The following CAMTA1 variants were observed in gnomAD, a reference collection of about 807,000 sequenced individuals.
CAMTA1 encodes the protein calmodulin binding transcription activator 1.
CAMTA1 carries 27 observed loss-of-function variants against 170.9 expected under a neutral mutation model. The observed-to-expected ratio is 0.16, with a 90% confidence interval of 0.12 to 0.22. The LOEUF (loss-of-function observed/expected upper bound fraction) is 0.22. Among genes scored for constraint, CAMTA1 ranks in the 10% least tolerant of loss-of-function variants. The pLI, the probability that CAMTA1 is intolerant of heterozygous loss-of-function variation, is 1.00. For synonymous variants in CAMTA1, 833 were observed against 891.5 expected, an observed-to-expected ratio of 0.93 and a Z score of 1.17; for missense variants, 1,619 against 2,217.2, an observed-to-expected ratio of 0.73 and a Z score of 5.42.
At chr1:7,465,217 A>T (rs191344369) in intron 5 of CAMTA1, among the ~76,000 whole-genome samples, 93 of 152,122 alleles carry the variant, frequency 6.1e-4, no homozygotes, top group African/African-American at 2.1e-3. Context: ...CAAAAAGCCT[A>T]AGGCCCTGTG....
At chr1:6,820,114 A>T in intron 1 of CAMTA1, 67 bp from the exon 2 acceptor site, 1 of 952,934 alleles carries the variant, frequency 1.0e-6, no homozygotes, top group Non-Finnish European at 1.7e-6. Flanking sequence ...TGGCAGGAAT[A>T]TCACAGAAGA....
intron 6 of CAMTA1, among the ~76,000 whole-genome samples, chr1:7,594,714 A>T (rs1029657470): frequency 6.6e-6 from 1 of 152,186 alleles, no homozygotes; most frequent in Non-Finnish European, 1.5e-5. Flanking sequence ...AAATATGCTG[A>T]TGGTTTGGAT....
At position 7,248,454 on chromosome 1, in the gene CAMTA1, C is replaced by T. The variant is rs1327411858; in HGVS notation, c.303-1037C>T. ...GTGGTGCGCAGAATCGCTGGCATTCCTCTTCCCCTGCTGCACGTTCAGGTG... is the reference window on the plus strand; with the variant it reads ...GTGGTGCGCAGAATCGCTGGCATTCTTCTTCCCCTGCTGCACGTTCAGGTG... On this transcript the variant is annotated intron_variant, in intron 4 of 22. Coordinates refer to ENST00000303635, the MANE Select transcript of CAMTA1 (RefSeq NM_015215.4). The surrounding 1 kb of genome is among the most constrained non-coding windows in gnomAD (Gnocchi z 4.0). Among the ~76,000 whole-genome samples the T allele has an allele frequency of 1.3e-5, 2 of 152,214 alleles. No homozygotes were observed. Among genetic ancestry groups the T allele is most frequent in the African/African-American group, 4.8e-5 (2 of 41,448 alleles).
At chr1:6,899,547 C>T (rs972133741) in intron 3 of CAMTA1, among the ~76,000 whole-genome samples, 29 of 93,314 alleles carry the variant, frequency 3.1e-4, no homozygotes, top group Admixed American at 4.4e-4. Flanking sequence ...AACGCGCACG[C>T]GCGCGCGCAC....
At chr1:7,545,781 C>T (rs927691593) in intron 6 of CAMTA1, among the ~76,000 whole-genome samples, 4 of 152,028 alleles carry the variant, frequency 2.6e-5, no homozygotes, top group African/African-American at 9.7e-5. Context: ...CACAGATCAA[C>T]CCATCATTTA....
intron 3 of CAMTA1, among the ~76,000 whole-genome samples, chr1:7,018,210 G>A (rs1572470732): frequency 6.6e-6 from 1 of 151,832 alleles, no homozygotes; most frequent in Admixed American, 6.6e-5. Context: ...TGGAGCGGGG[G>A]CTTAGGACTC....
intron 11 of CAMTA1, among the ~76,000 whole-genome samples, chr1:7,730,712 A>G (rs1229632315): frequency 1.3e-5 from 2 of 152,016 alleles, no homozygotes; most frequent in Admixed American, 1.3e-4. Context: ...CCTGGCCAAC[A>G]TGGTGAAACC....
intron 6 of CAMTA1, among the ~76,000 whole-genome samples, chr1:7,614,421 C>A (rs1285764532): frequency 2.0e-4 from 31 of 151,224 alleles, no homozygotes; most frequent in Admixed American, 2.0e-3. Context: ...GATGAAGATT[C>A]ATTGATGCCA....
At chr1:7,554,657 TC>T (rs2094851822) in intron 6 of CAMTA1, among the ~76,000 whole-genome samples, 1 of 152,156 alleles carries the variant, frequency 6.6e-6, no homozygotes, top group Non-Finnish European at 1.5e-5. Flanking sequence ...ATTTTCAGCC[TC>T]ACACAAACAC....
chr1:7,498,098 GA>G (rs1472967920), intron 6 of CAMTA1, among the ~76,000 whole-genome samples: 2 of 152,164 alleles, frequency 1.3e-5, no homozygotes, highest in African/African-American at 4.8e-5. Flanking sequence ...ATCCTGAGGA[GA>G]GGGGGAGGGA....
At chr1:6,988,703 A>G (rs573138159) in intron 3 of CAMTA1, among the ~76,000 whole-genome samples, 2 of 152,248 alleles carry the variant, frequency 1.3e-5, no homozygotes, top group East Asian at 1.9e-4. Context: ...GTCCCGTCCA[A>G]CGGGTTGGGC....
Position 7,663,477 on chromosome 1 carries a change from G to A in CAMTA1, c.930G>A (p.Glu310=). 1 of 1,597,496 alleles carries A rather than the reference G, an allele frequency of 6.3e-7. No homozygotes were observed. The highest frequency in any genetic ancestry group is 8.6e-7 in the Non-Finnish European group (1 of 1,168,148). ...HSEVQHNDVS[E]GKHEHSHSKG... is the part of the protein sequence containing the mutation. The stretch of plus-strand genomic sequence containing the variant: ...AGGTGCAGCACAATGACGTGTCGGA[G>A]GGCAAGCACGAGCACAGCCACAGCA... Residue 310 remains glutamate (E), a synonymous_variant, in exon 9 of 23, where the codon GAG becomes GAA. Transcript: ENST00000303635.
chr1:7,341,329 C>T (rs1217322413), intron 5 of CAMTA1, among the ~76,000 whole-genome samples: 1 of 152,234 alleles, frequency 6.6e-6, no homozygotes. Context: ...AGTGGAGCCA[C>T]TGTTCTCTTC....
rs530679873 is a variant in CAMTA1, at chr1:7,562,140, A to G, written c.511-78260A>G. 1.7e-4 allele frequency among the ~76,000 whole-genome samples: 26 copies of G among 152,200 alleles called. No homozygotes were observed. The South Asian group carries it at 5.4e-3, about 32-fold the overall frequency. On this transcript the variant is annotated intron_variant, in intron 6 of 22. Transcript: ENST00000303635. This position sits in a 1 kb window ranked among gnomAD's most constrained non-coding sequence, Gnocchi z 4.8. Reference sequence around the variant, plus strand: ...ATCTCCTGCCAGCCTCACTACCCGCACCAGGATTCACGGGTTGCAGCTGCC... The same window carrying G: ...ATCTCCTGCCAGCCTCACTACCCGCGCCAGGATTCACGGGTTGCAGCTGCC...
intron 3 of CAMTA1, among the ~76,000 whole-genome samples, chr1:6,835,866 T>C (rs1382251095): frequency 2.0e-5 from 3 of 152,244 alleles, no homozygotes; most frequent in Admixed American, 2.0e-4. Context: ...TCTTGACATA[T>C]AGGAAGCTCT....
chr1:7,395,079 C>T (rs1023842887), intron 5 of CAMTA1, among the ~76,000 whole-genome samples: 1 of 152,146 alleles, frequency 6.6e-6, no homozygotes, highest in African/African-American at 2.4e-5. Flanking sequence ...GAAGGGGTTT[C>T]ACCATGTTGT....
chr1:7,737,160 G>T (rs2096778736), intron 14 of CAMTA1, 95 bp from the exon 15 acceptor site: 1 of 1,397,992 alleles, frequency 7.2e-7, no homozygotes, highest in Non-Finnish European at 9.9e-7. Flanking sequence ...GAGATTGCCA[G>T]CAAGGACCAG....
chr1:6,969,984 C>T (rs979321365), intron 3 of CAMTA1, among the ~76,000 whole-genome samples: 1 of 152,082 alleles, frequency 6.6e-6, no homozygotes, highest in Non-Finnish European at 1.5e-5. Flanking sequence ...AAATTTGTGT[C>T]ACCACCACCA....
chr1:6,913,789 T>C (rs1159464401), intron 3 of CAMTA1, among the ~76,000 whole-genome samples: 1 of 151,894 alleles, frequency 6.6e-6, no homozygotes, highest in Admixed American at 6.6e-5. Context: ...TGTGGGTTCT[T>C]AAGGCAGAGT....
Sources: gnomAD v4.1 joint callset for allele counts (sites outside exome capture counted in the v4.1 genomes callset) on GRCh38, gnomAD v4.1.1 for gene constraint, Gnocchi (gnomAD v3.1) non-coding constraint, MANE v1.5 for transcripts, NCBI Gene and HGNC (gene_info 2026-07-23, HGNC 2026-07-21) for gene names.